CDK5RAP2: variants seen among roughly 807,000 people sequenced by gnomAD.
CDK5RAP2 encodes CDK5 regulatory subunit associated protein 2.
In CDK5RAP2, 147 loss-of-function variants were observed where a neutral mutation model predicts 232.9. That is an observed-to-expected ratio of 0.63 (90% CI 0.55 to 0.72). The LOEUF is 0.72. Ranked by LOEUF, CDK5RAP2 falls within the 30% of genes least tolerant of loss-of-function variation. The pLI is 0.00. For missense variants in CDK5RAP2, 2,195 were observed against 2,231.5 expected, an observed-to-expected ratio of 0.98 and a Z score of 0.33; for synonymous variants, 833 against 833.7, an observed-to-expected ratio of 1.00 and a Z score of 0.01.
At chr9:120,540,086 G>C (rs530133687) in intron 5 of CDK5RAP2, among the ~76,000 whole-genome samples, 118 of 152,322 alleles carry the variant, frequency 7.7e-4, no homozygotes, top group African/African-American at 2.8e-3. Context: ...AAAACACAGA[G>C]TACACACTGC....
intron 20 of CDK5RAP2, among the ~76,000 whole-genome samples, chr9:120,457,005 C>T (rs1173103622): frequency 6.6e-6 from 1 of 152,228 alleles, no homozygotes; most frequent in Non-Finnish European, 1.5e-5. Context: ...ATATCCCCTT[C>T]CTGGGCATCT....
In CDK5RAP2 at chr9:120,409,232, C is replaced by T; in HGVS notation, c.4499G>A (p.Ser1500Asn). 1.9e-6 allele frequency: 3 copies of T among 1,614,128 alleles called. No individual in the cohort carries two copies. Among genetic ancestry groups the T allele is most frequent in the Non-Finnish European group, 2.5e-6 (3 of 1,179,988 alleles). The change falls in exon 30 of 38, where the codon AGC becomes AAC. Residue 1500 changes from serine to asparagine, a missense_variant. By Grantham distance (46) the Ser-to-Asn change is conservative (BLOSUM62 1). Transcript: ENST00000349780. ...CAGCCTTTCATTTTCTTCCTTCACG[C>T]TGGCATACTCCCGCTGAAGGTGCTC... The part of the protein sequence containing the change: ...SLEHLQREYA[S>N]VKEENERLQK...
intron 6 of CDK5RAP2, 58 bp from the exon 7 acceptor site, chr9:120,536,584 A>G (rs1337017594): frequency 2.0e-6 from 3 of 1,499,778 alleles, no homozygotes; most frequent in Admixed American, 3.6e-5. Flanking sequence ...GAACATTTTG[A>G]AAGGAAATTG....
intron 14 of CDK5RAP2, among the ~76,000 whole-genome samples, chr9:120,481,944 T>C (rs1430455648): frequency 1.3e-5 from 2 of 152,244 alleles, no homozygotes; most frequent in Non-Finnish European, 2.9e-5. Flanking sequence ...ACACTTGATA[T>C]ATGTCAGCTG....
At chr9:120,389,413 T>C (rs1291188604) in intron 37 of CDK5RAP2, 121 bp from the exon 38 acceptor site, 1 of 791,100 alleles carries the variant, frequency 1.3e-6, no homozygotes, top group Non-Finnish European at 2.2e-6. Context: ...CATAGTTTGG[T>C]CAGTAAATAT....
chr9:120,456,578 C>A (rs1175980226), intron 20 of CDK5RAP2, among the ~76,000 whole-genome samples: 2 of 152,176 alleles, frequency 1.3e-5, no homozygotes, highest in South Asian at 4.1e-4. Flanking sequence ...GTACATTTTT[C>A]ACCTCTAATG....
intron 17 of CDK5RAP2, 91 bp from the exon 18 acceptor site, chr9:120,468,088 T>G: frequency 7.9e-7 from 1 of 1,264,976 alleles, no homozygotes. Context: ...ATCAAGCGAC[T>G]CTTTGGCACC....
intron 25 of CDK5RAP2, among the ~76,000 whole-genome samples, chr9:120,428,345 T>C (rs1349038489): frequency 2.0e-5 from 3 of 151,976 alleles, no homozygotes; most frequent in African/African-American, 7.3e-5. Flanking sequence ...ATCAACAAAA[T>C]TGATAGACCG....
chr9:120,490,615 T>G (rs955641074), intron 13 of CDK5RAP2, among the ~76,000 whole-genome samples: 2 of 152,266 alleles, frequency 1.3e-5, no homozygotes, highest in Non-Finnish European at 2.9e-5. Flanking sequence ...TGGAGAAAGC[T>G]GAATCCTATG....
chr9:120,482,777 TAAGAG>T (rs886074038), intron 14 of CDK5RAP2, among the ~76,000 whole-genome samples: 15 of 152,190 alleles, frequency 9.9e-5, no homozygotes, highest in African/African-American at 3.6e-4. Context: ...ATATGAATCT[TAAGAG>T]AAGAGATTCC....
At chr9:120,480,681 T>C (rs1314521024) in intron 14 of CDK5RAP2, among the ~76,000 whole-genome samples, 1 of 152,220 alleles carries the variant, frequency 6.6e-6, no homozygotes, top group African/African-American at 2.4e-5. Flanking sequence ...TAGGGGTCTC[T>C]GGCTTCAGTA....
intron 21 of CDK5RAP2, among the ~76,000 whole-genome samples, chr9:120,448,639 T>C (rs1014595983): frequency 6.6e-6 from 1 of 152,186 alleles, no homozygotes; most frequent in African/African-American, 2.4e-5. Context: ...CTGAAAATTC[T>C]ACTCTTCAGC....
At chr9:120,446,989 C>A (rs1336059687) in intron 22 of CDK5RAP2, among the ~76,000 whole-genome samples, 1 of 151,996 alleles carries the variant, frequency 6.6e-6, no homozygotes, top group Non-Finnish European at 1.5e-5. Flanking sequence ...CCCGACCCTA[C>A]ACACACACAC....
At chr9:120,567,678 T>C (rs2042696407) in intron 3 of CDK5RAP2, among the ~76,000 whole-genome samples, 1 of 152,120 alleles carries the variant, frequency 6.6e-6, no homozygotes, top group South Asian at 2.1e-4. Context: ...AGTAATCCAT[T>C]CTCAGAAAGA....
chr9:120,439,323 G>C, intron 24 of CDK5RAP2, 76 bp downstream of exon 24: 3 of 1,221,604 alleles, frequency 2.5e-6, no homozygotes, highest in Non-Finnish European at 3.6e-6. Context: ...TTCTCTTTTA[G>C]CTCATGGGCT....
intron 36 of CDK5RAP2, among the ~76,000 whole-genome samples, chr9:120,392,785 C>T (rs1462206856): frequency 6.6e-6 from 1 of 152,190 alleles, no homozygotes; most frequent in Non-Finnish European, 1.5e-5. Context: ...AGGTTGACCT[C>T]CTTACAATCT....
At chr9:120,552,623 C>T (rs191362114) in intron 3 of CDK5RAP2, among the ~76,000 whole-genome samples, 313 of 142,834 alleles carry the variant, frequency 2.2e-3, no homozygotes, top group Non-Finnish European at 3.5e-3. Context: ...CGTTCTCACT[C>T]ATAGGTGGGA....
chr9:120,504,453 A>G (rs1310683006), intron 12 of CDK5RAP2, among the ~76,000 whole-genome samples: 1 of 152,210 alleles, frequency 6.6e-6, no homozygotes, highest in Non-Finnish European at 1.5e-5. Context: ...GAAGAAGGGT[A>G]GAAGCTGCAG....
At chr9:120,539,625 C>A (rs1399176114) in intron 5 of CDK5RAP2, among the ~76,000 whole-genome samples, 1 of 152,180 alleles carries the variant, frequency 6.6e-6, no homozygotes, top group African/African-American at 2.4e-5. Flanking sequence ...TCTGACGATA[C>A]TCAAAGTTCT....
Sources: allele counts gnomAD v4.1 joint callset (sites outside exome capture counted in the v4.1 genomes callset), GRCh38; gene constraint gnomAD v4.1.1; transcripts MANE v1.5; gene names NCBI Gene and HGNC (gene_info 2026-07-23, HGNC 2026-07-21).